POU4F3: variants seen among roughly 807,000 people sequenced by gnomAD.
POU4F3 encodes the protein POU class 4 homeobox 3.
A neutral mutation model predicts 22.0 loss-of-function variants in POU4F3; 7 were observed. That is an observed-to-expected ratio of 0.32 (90% confidence interval 0.18 to 0.60). POU4F3 has a LOEUF of 0.60. Ranked by LOEUF, POU4F3 falls within the 20% of genes least tolerant of loss-of-function variation. The pLI is 0.85. For synonymous variants in POU4F3, 220 were observed against 194.5 expected, an observed-to-expected ratio of 1.13 and a Z score of -1.09; for missense variants, 457 against 467.4, an observed-to-expected ratio of 0.98 and a Z score of 0.21.
At position 146,340,222 on chromosome 5, in the gene POU4F3, G is replaced by C; in HGVS notation, c.795G>C (p.Lys265Asn). The C allele has an allele frequency of 6.2e-7, 1 of 1,614,232 alleles. No homozygotes were observed. Among genetic ancestry groups the C allele is most frequent in the Non-Finnish European group, 8.5e-7 (1 of 1,180,044 alleles). The change falls in exon 2 of 2, where the codon AAG becomes AAC. Residue 265 changes from lysine (K) to asparagine (N), a missense_variant. Lys to Asn is a moderately conservative substitution (Grantham distance 94). Transcript: ENST00000646991. ...AEAAYREKNS[K>N]PELFNGSERK... is the part of the protein sequence containing the mutation. ...CCGCCTACCGAGAGAAGAACAGCAA[G>C]CCAGAGCTCTTCAACGGCAGCGAAC...
chr5:146,339,498 G>T lies in POU4F3; in HGVS notation c.121-50G>T, dbSNP rs1760416966. The T allele has an allele frequency of 6.2e-7, 1 of 1,609,494 alleles. No homozygotes were observed. Reference sequence around the variant, plus strand: ...TTGCTTGAAAATGTGTTTTAATCCTGTGTTGACAGTATTCCCTACTGACCG... The same window carrying T: ...TTGCTTGAAAATGTGTTTTAATCCTTTGTTGACAGTATTCCCTACTGACCG... On this transcript the variant is annotated intron_variant, in intron 1 of 1. Coordinates refer to ENST00000646991, the MANE Select transcript of POU4F3 (RefSeq NM_002700.3). This position sits in a 1 kb window ranked among gnomAD's most constrained non-coding sequence, Gnocchi z 4.7.
Position 146,340,488 on chromosome 5 carries a change from C to G in POU4F3, c.*44C>G. ...TCGGGAGCCGGGAGAGCCTAGTGCT[C>G]ATCCCTCCCGGGTTCGGGGGATGGT... On this transcript the variant is annotated 3_prime_UTR_variant, in exon 2 of 2. Transcript: ENST00000646991. 6.2e-7 allele frequency: 1 copy of G among 1,610,968 alleles called. No homozygotes were observed. The highest frequency in any genetic ancestry group is 1.1e-5 in the South Asian group (1 of 90,952).
chr5:146,340,448 C>G lies in POU4F3; in HGVS notation c.*4C>G, dbSNP rs1292906298. On this transcript the variant is annotated 3_prime_UTR_variant, in exon 2 of 2. Coordinates refer to ENST00000646991, the MANE Select transcript of POU4F3 (RefSeq NM_002700.3). ...GAAGTATTCGGCTGTCCACTGATTG[C>G]GGCAGGGCGCAGCGTCGGGAGCCGG... 2 of 1,613,896 alleles carry G rather than the reference C, an allele frequency of 1.2e-6. No homozygotes were observed. The highest frequency in any genetic ancestry group is 1.7e-6 in the Non-Finnish European group (2 of 1,180,024).
At position 146,341,678 on chromosome 5, in the gene POU4F3, T is replaced by G. The variant is rs1274596728; in HGVS notation, c.*1234T>G. ...ATAAAATATTAAGTTTTCTTTTCCC[T>G]TTACCCCTTGAATTAACTTCTAAAA... On this transcript the variant is annotated 3_prime_UTR_variant, in exon 2 of 2. Coordinates refer to ENST00000646991, the MANE Select transcript of POU4F3 (RefSeq NM_002700.3). 1 of 152,246 alleles carries G rather than the reference T, an allele frequency of 6.6e-6. No homozygotes were observed. The highest frequency in any genetic ancestry group is 1.5e-5 in the Non-Finnish European group (1 of 68,034). The allele number at this position is 152,246 out of a possible 1,614,324, so 9.4% of individuals were successfully genotyped here.
Position 146,340,767 on chromosome 5 carries a change from A to G in POU4F3, c.*323A>G, listed in dbSNP as rs568151269. The stretch of plus-strand genomic sequence containing the variant: ...GAGCAGGAGCCCCAAAGCAGAGGAC[A>G]GTCAATTGGCCCAACCGCCCGAAGC... On this transcript the variant is annotated 3_prime_UTR_variant, in exon 2 of 2. Coordinates refer to ENST00000646991, the MANE Select transcript of POU4F3 (RefSeq NM_002700.3). 18 of 441,518 alleles carry G rather than the reference A, an allele frequency of 4.1e-5. No individual in the cohort carries two copies. The highest frequency in any genetic ancestry group is 3.9e-4 in the South Asian group (17 of 43,848). 27.4% of individuals were successfully genotyped at this position (441,518 alleles called of 1,614,324 possible).
Position 146,340,719 on chromosome 5 carries a change from C to G in POU4F3, c.*275C>G. On this transcript the variant is annotated 3_prime_UTR_variant, in exon 2 of 2. Coordinates refer to ENST00000646991, the MANE Select transcript of POU4F3 (RefSeq NM_002700.3). The stretch of plus-strand genomic sequence containing the variant: ...TGTCCGTGGTGCTGAAATTTGCCCT[C>G]GCGCAGGGGCCGCACGACTTCAGAG... The G allele has an allele frequency of 3.9e-6, 2 of 514,942 alleles. No homozygotes were observed. Among genetic ancestry groups the G allele is most frequent in the Non-Finnish European group, 7.0e-6 (2 of 284,210 alleles). 31.9% of individuals were successfully genotyped at this position (514,942 alleles called of 1,614,324 possible). A position where few individuals can be genotyped will look rare whatever the true frequency, so the allele number is the denominator to read the frequency against.
Position 146,339,947 on chromosome 5 carries a change from C to A in POU4F3, c.520C>A (p.Pro174Thr). ...PHTVAPHSAM[P>T]ACLSDVESDP... ...CACCGTGGCCCCTCATAGCGCCATG[C>A]CTGCATGCCTCAGCGACGTGGAGTC... is the stretch of plus-strand genomic sequence containing the variant. Residue 174 changes from proline to threonine, a missense_variant, in exon 2 of 2, where the codon CCT (proline) becomes ACT (threonine). Pro to Thr is a conservative substitution (Grantham distance 38). Coordinates refer to ENST00000646991, the MANE Select transcript of POU4F3 (RefSeq NM_002700.3). This position sits in a 1 kb window ranked among gnomAD's most constrained non-coding sequence, Gnocchi z 4.7. 6.2e-7 allele frequency: 1 copy of A among 1,611,194 alleles called. No homozygotes were observed. Among genetic ancestry groups the A allele is most frequent in the Non-Finnish European group, 8.5e-7 (1 of 1,179,934 alleles).
In POU4F3 at chr5:146,341,525, G is replaced by GT. The variant is rs1250193410; in HGVS notation, c.*1082dup. On this transcript the variant is annotated 3_prime_UTR_variant, in exon 2 of 2. Coordinates refer to ENST00000646991, the MANE Select transcript of POU4F3 (RefSeq NM_002700.3). Reference sequence around the variant, plus strand: ...CTTATAGTTTTGTGAGGGAAGAGGAGTGGGACCATGGGCCTGAACCCTTCT... The same window carrying GT: ...CTTATAGTTTTGTGAGGGAAGAGGAGTTGGGACCATGGGCCTGAACCCTTCT... 6.6e-6 allele frequency: 1 copy of GT among 152,114 alleles called. No homozygotes were observed. The highest frequency in any genetic ancestry group is 1.5e-5 in the Non-Finnish European group (1 of 68,046). 9.4% of individuals were successfully genotyped at this position (152,114 alleles called of 1,614,324 possible). A position where few individuals can be genotyped will look rare whatever the true frequency, so the allele number is the denominator to read the frequency against.
At position 146,339,715 on chromosome 5, in the gene POU4F3, C is replaced by T. The variant is rs146014340; in HGVS notation, c.288C>T (p.Pro96=). ...VPCTSTSSTV[P]ISHPAALTSH... ...GCACGTCCACTTCGTCCACCGTGCC[C>T]ATCTCCCACCCAGCTGCGCTCACCT... The change falls in exon 2 of 2, where the codon CCC becomes CCT. Residue 96 remains proline, a synonymous_variant. Coordinates refer to ENST00000646991, the MANE Select transcript of POU4F3 (RefSeq NM_002700.3). The surrounding 1 kb of genome is among the most constrained non-coding windows in gnomAD (Gnocchi z 4.7). The T allele has an allele frequency of 3.7e-6, 6 of 1,614,042 alleles. No homozygotes were observed. The highest frequency in any genetic ancestry group is 5.1e-6 in the Non-Finnish European group (6 of 1,180,058).
Position 146,339,167 on chromosome 5 carries a change from C to T in POU4F3, c.55C>T (p.Pro19Ser). The T allele has an allele frequency of 6.2e-7, 1 of 1,614,236 alleles. No individual in the cohort carries two copies. The highest frequency in any genetic ancestry group is 8.5e-7 in the Non-Finnish European group (1 of 1,180,040). The change falls in exon 1 of 2, where the codon CCC (proline) becomes TCC (serine). Residue 19 changes from proline (P) to serine (S), a missense_variant. Coordinates refer to ENST00000646991, the MANE Select transcript of POU4F3 (RefSeq NM_002700.3). This position sits in a 1 kb window ranked among gnomAD's most constrained non-coding sequence, Gnocchi z 4.7. ...PFGMHPVLQE[P>S]KFSSLHSGSE... ...CGGCATGCACCCGGTGCTGCAAGAACCCAAATTCTCCAGTCTGCACTCTGG... is the reference window on the plus strand; with the variant it reads ...CGGCATGCACCCGGTGCTGCAAGAATCCAAATTCTCCAGTCTGCACTCTGG...
rs140857174 is a variant in POU4F3, at chr5:146,339,850, C to T, written c.423C>T (p.Pro141=). ...GLGAPEHSVM[P]AQIHPHHLGA... ...GCGCTCCGGAACACTCGGTGATGCC[C>T]GCACAGATCCATCCACACCACCTGG... is the stretch of plus-strand genomic sequence containing the variant. Residue 141 remains proline, a synonymous_variant, in exon 2 of 2, where the codon CCC becomes CCT. Coordinates refer to ENST00000646991, the MANE Select transcript of POU4F3 (RefSeq NM_002700.3). This position sits in a 1 kb window ranked among gnomAD's most constrained non-coding sequence, Gnocchi z 4.7. 3 of 1,608,400 alleles carry T rather than the reference C, an allele frequency of 1.9e-6. No individual in the cohort carries two copies. The highest frequency in any genetic ancestry group is 2.2e-5 in the South Asian group (2 of 91,084).
In POU4F3 at chr5:146,339,145, C is replaced by T. The variant is rs751553590; in HGVS notation, c.33C>T (p.Gly11=). The part of the protein sequence containing the change: MMAMNSKQPF[G]MHPVLQEPKF... ...CCATGAACTCCAAGCAGCCTTTCGG[C>T]ATGCACCCGGTGCTGCAAGAACCCA... The change falls in exon 1 of 2, where the codon GGC becomes GGT. Residue 11 remains glycine (G), a synonymous_variant. Transcript: ENST00000646991. The surrounding 1 kb of genome is among the most constrained non-coding windows in gnomAD (Gnocchi z 4.7). 1 of 1,614,258 alleles carries T rather than the reference C, an allele frequency of 6.2e-7. No homozygotes were observed. The highest frequency in any genetic ancestry group is 8.5e-7 in the Non-Finnish European group (1 of 1,180,050).
In POU4F3 at chr5:146,339,372, T is replaced by C; in HGVS notation, c.120+140T>C. 6.7e-7 allele frequency: 1 copy of C among 1,493,076 alleles called. No individual in the cohort carries two copies. The highest frequency in any genetic ancestry group is 9.2e-7 in the Non-Finnish European group (1 of 1,083,328). 92.5% of individuals were successfully genotyped at this position (1,493,076 alleles called of 1,614,324 possible). On this transcript the variant is annotated intron_variant, in intron 1 of 1. Coordinates refer to ENST00000646991, the MANE Select transcript of POU4F3 (RefSeq NM_002700.3). The surrounding 1 kb of genome is among the most constrained non-coding windows in gnomAD (Gnocchi z 4.7). ...TCCCCCGCGTTCTCTCCCGGCGCGCTCTCTCTCTCATTCATGTCTCTGATC... is the reference window on the plus strand; with the variant it reads ...TCCCCCGCGTTCTCTCCCGGCGCGCCCTCTCTCTCATTCATGTCTCTGATC...
chr5:146,340,474 G>C lies in POU4F3; in HGVS notation c.*30G>C. 6.2e-7 allele frequency: 1 copy of C among 1,612,860 alleles called. No homozygotes were observed. Among genetic ancestry groups the C allele is most frequent in the Non-Finnish European group, 8.5e-7 (1 of 1,179,946 alleles). ...GGCAGGGCGCAGCGTCGGGAGCCGG[G>C]AGAGCCTAGTGCTCATCCCTCCCGG... On this transcript the variant is annotated 3_prime_UTR_variant, in exon 2 of 2. Coordinates refer to ENST00000646991, the MANE Select transcript of POU4F3 (RefSeq NM_002700.3).
Position 146,339,283 on chromosome 5 carries a change from C to G in POU4F3, c.120+51C>G, listed in dbSNP as rs1319768647. On this transcript the variant is annotated intron_variant, in intron 1 of 1. Transcript: ENST00000646991. The surrounding 1 kb of genome is among the most constrained non-coding windows in gnomAD (Gnocchi z 4.7). ...TCTAAGGCACATTTTTTGACAGGCA[C>G]TAGCTTCATGTTTTTTTCATGTCGC... The G allele has an allele frequency of 6.2e-7, 1 of 1,612,168 alleles. No individual in the cohort carries two copies. Among genetic ancestry groups the G allele is most frequent in the African/African-American group, 1.3e-5 (1 of 74,986 alleles).
chr5:146,339,006 G>C lies in POU4F3; in HGVS notation c.-107G>C, dbSNP rs1760406843. The C allele has an allele frequency of 6.6e-7, 1 of 1,519,216 alleles. No individual in the cohort carries two copies. Among genetic ancestry groups the C allele is most frequent in the Non-Finnish European group, 9.0e-7 (1 of 1,115,870 alleles). 94.1% of individuals were successfully genotyped at this position (1,519,216 alleles called of 1,614,324 possible). A position where few individuals can be genotyped will look rare whatever the true frequency, so the allele number is the denominator to read the frequency against. On this transcript the variant is annotated 5_prime_UTR_variant, in exon 1 of 2. Transcript: ENST00000646991. This position sits in a 1 kb window ranked among gnomAD's most constrained non-coding sequence, Gnocchi z 4.7. ...GGGAGAGGGGAGGCAGCGAGCGAGA[G>C]GGCGAGGGGAGCGCGGGCGCTGAGC...
In POU4F3 at chr5:146,339,605, C is replaced by G; in HGVS notation, c.178C>G (p.Leu60Val). 1 of 1,614,248 alleles carries G rather than the reference C, an allele frequency of 6.2e-7. No individual in the cohort carries two copies. The highest frequency in any genetic ancestry group is 8.5e-7 in the Non-Finnish European group (1 of 1,180,044). Residue 60 changes from leucine (L) to valine (V), a missense_variant, in exon 2 of 2, where the codon CTG becomes GTG. Leu to Val is a conservative substitution (Grantham distance 32, BLOSUM62 1). Transcript: ENST00000646991. The surrounding 1 kb of genome is among the most constrained non-coding windows in gnomAD (Gnocchi z 4.7). ...DESLLARAEA[L>V]AAVDIVSHGK... ...GAGCCTGCTGGCACGCGCCGAAGCTCTGGCGGCGGTGGATATCGTCTCCCA... is the reference window on the plus strand; with the variant it reads ...GAGCCTGCTGGCACGCGCCGAAGCTGTGGCGGCGGTGGATATCGTCTCCCA...
Position 146,340,238 on chromosome 5 carries a change from G to T in POU4F3, c.811G>T (p.Gly271Cys), listed in dbSNP as rs375230760. The T allele has an allele frequency of 5.6e-6, 9 of 1,614,166 alleles. No individual in the cohort carries two copies. The highest frequency in any genetic ancestry group is 6.8e-6 in the Non-Finnish European group (8 of 1,180,026). ...GAACAGCAAGCCAGAGCTCTTCAAC[G>T]GCAGCGAACGGAAGCGCAAACGCAC... is the stretch of plus-strand genomic sequence containing the variant. The part of the protein sequence containing the change: ...EKNSKPELFN[G>C]SERKRKRTSI... The change falls in exon 2 of 2, where the codon GGC becomes TGC. Residue 271 changes from glycine (G) to cysteine (C), a missense_variant. By Grantham distance (159) the Gly-to-Cys change is radical. Transcript: ENST00000646991.
chr5:146,339,119 G>A lies in POU4F3; in HGVS notation c.7G>A (p.Ala3Thr), dbSNP rs774991420. MM[A>T]MNSKQPFGMH... ...CCCTGCCAGGAGCGCGAAGATGATGGCCATGAACTCCAAGCAGCCTTTCGG... is the reference window on the plus strand; with the variant it reads ...CCCTGCCAGGAGCGCGAAGATGATGACCATGAACTCCAAGCAGCCTTTCGG... The change falls in exon 1 of 2, where the codon GCC (alanine) becomes ACC (threonine). Residue 3 changes from alanine to threonine, a missense_variant. By Grantham distance (58) the Ala-to-Thr change is moderately conservative. Transcript: ENST00000646991. This position sits in a 1 kb window ranked among gnomAD's most constrained non-coding sequence, Gnocchi z 4.7. 6.2e-7 allele frequency: 1 copy of A among 1,614,162 alleles called. No homozygotes were observed. Among genetic ancestry groups the A allele is most frequent in the South Asian group, 1.1e-5 (1 of 91,076 alleles).
Sources: gnomAD v4.1 joint callset for allele counts on GRCh38, gnomAD v4.1.1 for gene constraint, Gnocchi (gnomAD v3.1) non-coding constraint, MANE v1.5 for transcripts, NCBI Gene and HGNC (gene_info 2026-07-23, HGNC 2026-07-21) for gene names.